Variants in MSL3 observed in about 807,000 individuals in gnomAD.
MSL3 encodes MSL complex subunit 3, also known as MSL3-like 1.
MSL3 carries 5 observed loss-of-function variants against 37.2 expected under a neutral mutation model. The observed-to-expected ratio is 0.13, with a 90% confidence interval of 0.07 to 0.28. MSL3 has a LOEUF of 0.28. Ranked by LOEUF, MSL3 falls within the 10% of genes least tolerant of loss-of-function variation. The pLI, the probability that MSL3 is intolerant of heterozygous loss-of-function variation, is 1.00. For synonymous variants in MSL3, 149 were observed against 147.6 expected, an observed-to-expected ratio of 1.01 and a Z score of -0.07; for missense variants, 315 against 408.5, an observed-to-expected ratio of 0.77 and a Z score of 1.97.
rs756596330 is a variant in MSL3 at position 11,758,415 on chromosome X, C to CCGGGGG, written c.102+66_102+71dup. The CCGGGGG allele has an allele frequency of 3.0e-4, 298 of 982,707 alleles. 2 individuals are homozygous for CCGGGGG. The African/African-American group carries it at 4.4e-3, about 15-fold the overall frequency. 81.0% of individuals were successfully genotyped at this position (982,707 alleles called of 1,213,427 possible). ...GAGGCGCGGGCTGGGGGACCCGGGA[C>CCGGGGG]CGGGGGCGGGGGCGGGGGCGGACGG... On this transcript the variant is annotated intron_variant, in intron 1 of 12. Coordinates refer to ENST00000312196, the MANE Select transcript of MSL3 (RefSeq NM_078629.4).
In MSL3 at chrX:11,758,238, G is replaced by A. The variant is rs780686539; in HGVS notation, c.-26G>A. The stretch of plus-strand genomic sequence containing the variant: ...CCGCGCGCGCTCCGCCCGCCCCGGA[G>A]CCTCGCCCTCCGCCACGATGAGCAA... On this transcript the variant is annotated 5_prime_UTR_variant, in exon 1 of 13. Coordinates refer to ENST00000312196, the MANE Select transcript of MSL3 (RefSeq NM_078629.4). 24 of 875,640 alleles carry A rather than the reference G, an allele frequency of 2.7e-5. No individual in the cohort carries two copies. The highest frequency in any genetic ancestry group is 3.4e-5 in the Non-Finnish European group (23 of 679,718). The allele number at this position is 875,640 out of a possible 1,213,427, so 72.2% of individuals were successfully genotyped here.
At chrX:11,773,842 A>G (rs893774145) in intron 12 of MSL3, among the ~76,000 whole-genome samples, 1 of 112,203 alleles carries the variant, frequency 8.9e-6, no homozygotes, top group Non-Finnish European at 1.9e-5. Flanking sequence ...ACCAGAATCA[A>G]TGGACTCAAT....
In MSL3 at chrX:11,765,523, C is replaced by T; in HGVS notation, c.965C>T (p.Ser322Phe). 1 of 1,210,112 alleles carries T rather than the reference C, an allele frequency of 8.3e-7. No homozygotes were observed. The highest frequency in any genetic ancestry group is 1.1e-6 in the Non-Finnish European group (1 of 894,674). ...PPLLNPSTPQSTESQPTTGEP... is the reference protein window; with the variant it reads ...PPLLNPSTPQFTESQPTTGEP... ...TTGTTGAATCCATCCACGCCACAGT[C>T]CACAGAGAGTCAGCCGACCACCGGT... is the stretch of plus-strand genomic sequence containing the variant. The change falls in exon 9 of 13, where the codon TCC (serine) becomes TTC (phenylalanine). Residue 322 changes from serine (S) to phenylalanine (F), a missense_variant. By Grantham distance (155) the Ser-to-Phe change is radical (BLOSUM62 -2). Transcript: ENST00000312196.
chrX:11,763,069 G>A, intron 7 of MSL3, 72 bp downstream of exon 7: 3 of 845,645 alleles, frequency 3.5e-6, no homozygotes, highest in Non-Finnish European at 4.9e-6. Context: ...TAGAACAGGT[G>A]ACACTTGTCT....
chrX:11,761,910 C>T (rs772716992), intron 5 of MSL3, among the ~76,000 whole-genome samples: 6 of 111,441 alleles, frequency 5.4e-5, no homozygotes, highest in Admixed American at 9.5e-5. Flanking sequence ...AATATAAATC[C>T]GAGTGGTAAA....
In MSL3 at chrX:11,758,737, G is replaced by C. The variant is rs909265070; in HGVS notation, c.102+372G>C. 7 of 1,165,567 alleles carry C rather than the reference G, an allele frequency of 6.0e-6. No homozygotes were observed. In the East Asian group the frequency reaches 1.6e-4, roughly 27 times the overall value. On this transcript the variant is annotated intron_variant, in intron 1 of 12. Transcript: ENST00000312196. ...CTCCTTCTGTGCGGCCTGGTGCCGGGTGGGCTCCTGTGGGACGCCCTGGCC... is the reference window on the plus strand; with the variant it reads ...CTCCTTCTGTGCGGCCTGGTGCCGGCTGGGCTCCTGTGGGACGCCCTGGCC...
chrX:11,758,638 G>A (rs1322523088), intron 1 of MSL3: 2 of 1,158,322 alleles, frequency 1.7e-6, no homozygotes, highest in Non-Finnish European at 2.3e-6. Flanking sequence ...GCTACCGTTT[G>A]CGCCCCCGAC....
At chrX:11,768,927 T>A (rs2053209077) in intron 10 of MSL3, 1 of 319,741 alleles carries the variant, frequency 3.1e-6, no homozygotes, top group African/African-American at 2.7e-5. Context: ...ATACCAGTAT[T>A]TTTACTTTAT....
intron 3 of MSL3, 46 bp from the exon 4 acceptor site, chrX:11,760,791 A>C: frequency 1.0e-6 from 1 of 999,632 alleles, no homozygotes; most frequent in Non-Finnish European, 1.4e-6. Flanking sequence ...AAGACTCACG[A>C]GTTCAATGTC....
intron 9 of MSL3, chrX:11,767,376 T>G: frequency 2.1e-6 from 1 of 466,933 alleles, no homozygotes; most frequent in Non-Finnish European, 2.7e-6. Flanking sequence ...GACACAGTGG[T>G]TCATGCCTGT....
chrX:11,759,645 A>C, intron 1 of MSL3, 148 bp from the exon 2 acceptor site: 1 of 1,105,614 alleles, frequency 9.0e-7, no homozygotes, highest in Non-Finnish European at 1.2e-6. Flanking sequence ...GGGGAAAAAA[A>C]TGAAAGGAAA....
intron 6 of MSL3, among the ~76,000 whole-genome samples, 163 bp from the exon 7 acceptor site, chrX:11,762,674 G>A (rs1228308851): frequency 8.9e-6 from 1 of 112,824 alleles, no homozygotes; most frequent in Admixed American, 9.3e-5. Flanking sequence ...GAGAAAAAAA[G>A]ATCAAAGAGA....
At chrX:11,766,190 C>T (rs752016734) in intron 9 of MSL3, 241 of 781,158 alleles carry the variant, frequency 3.1e-4, no homozygotes, top group Non-Finnish European at 3.3e-4. Context: ...AAGCTCTTCT[C>T]ACCTCCTCTT....
chrX:11,772,056 A>AT (rs1191572313), intron 10 of MSL3, 100 bp from the exon 11 acceptor site: 15 of 558,769 alleles, frequency 2.7e-5, no homozygotes, highest in African/African-American at 7.0e-5. Context: ...CCAATCACTT[A>AT]TTTTTTCCCC....
rs755108800 is a variant in MSL3, at chrX:11,768,586, T to C, written c.1185T>C (p.His395=). 3.3e-6 allele frequency: 4 copies of C among 1,198,163 alleles called. No individual in the cohort carries two copies. The South Asian group carries it at 7.1e-5, about 21-fold the overall frequency. ...FLHLEKKTPV[H]SRSSSPIPLT... is the part of the protein sequence containing the mutation. Reference sequence around the variant, plus strand: ...TTTCTTTGGAAGAGACACCTGTGCATAGCAGATCATCTTCACCTATTCCTC... The same window carrying C: ...TTTCTTTGGAAGAGACACCTGTGCACAGCAGATCATCTTCACCTATTCCTC... Residue 395 remains histidine (H), a synonymous_variant, in exon 10 of 13, where the codon CAT becomes CAC. Coordinates refer to ENST00000312196, the MANE Select transcript of MSL3 (RefSeq NM_078629.4).
At chrX:11,767,044 T>C in intron 9 of MSL3, 1 of 754,237 alleles carries the variant, frequency 1.3e-6, no homozygotes, top group Non-Finnish European at 1.6e-6. Context: ...AGTGCCATTC[T>C]GTGTTCAGGT....
intron 11 of MSL3, 45 bp downstream of exon 11, chrX:11,772,300 T>C (rs373729577): frequency 5.5e-5 from 58 of 1,045,830 alleles, no homozygotes; most frequent in Non-Finnish European, 7.1e-5. Flanking sequence ...TCATTTTGTA[T>C]TCTCTTGTTA....
chrX:11,773,894 A>C (rs2053252323), intron 12 of MSL3, among the ~76,000 whole-genome samples: 1 of 112,503 alleles, frequency 8.9e-6, no homozygotes, highest in Non-Finnish European at 1.9e-5. Flanking sequence ...AAAAAGAGTT[A>C]GCTATCCAAT....
Position 11,772,231 on chromosome X carries a change from G to A in MSL3, c.1357G>A (p.Ala453Thr), listed in dbSNP as rs140880282. 28 of 1,203,679 alleles carry A rather than the reference G, an allele frequency of 2.3e-5. No homozygotes were observed. The highest frequency in any genetic ancestry group is 3.1e-5 in the Non-Finnish European group (28 of 890,389). ...GCCTCCACCCTCTTACATTTATGGG[G>A]CACAACATTTGCTGCGATTGTTTGG... Reference protein sequence around the residue: ...QPPPPSYIYGAQHLLRLFVKL... With the variant: ...QPPPPSYIYGTQHLLRLFVKL... The change falls in exon 11 of 13, where the codon GCA becomes ACA. Residue 453 changes from alanine (A) to threonine (T), a missense_variant. Coordinates refer to ENST00000312196, the MANE Select transcript of MSL3 (RefSeq NM_078629.4).
Sources: allele counts gnomAD v4.1 joint callset (sites outside exome capture counted in the v4.1 genomes callset), GRCh38; gene constraint gnomAD v4.1.1; transcripts MANE v1.5; gene names NCBI Gene and HGNC (gene_info 2026-07-23, HGNC 2026-07-21).